Variants in PHACTR4 observed in about 807,000 individuals in gnomAD.
PHACTR4 encodes protein phosphatase 1, regulatory subunit 124.
A neutral mutation model predicts 72.7 loss-of-function variants in PHACTR4; 51 were observed. The ratio of observed to expected loss-of-function variants is 0.70; its 90% CI spans 0.56 to 0.89. The LOEUF (loss-of-function observed/expected upper bound fraction) is 0.89. Ranked by LOEUF, PHACTR4 falls within the 40% of genes least tolerant of loss-of-function variation. PHACTR4 has a pLI of 0.00. For missense variants in PHACTR4, 731 were observed against 861.8 expected, an observed-to-expected ratio of 0.85 and a Z score of 1.90; for synonymous variants, 255 against 302.5, an observed-to-expected ratio of 0.84 and a Z score of 1.63.
intron 2 of PHACTR4, among the ~76,000 whole-genome samples, chr1:28,434,872 T>A (rs1311763275): frequency 6.6e-6 from 1 of 152,176 alleles, no homozygotes; most frequent in Non-Finnish European, 1.5e-5. Flanking sequence ...GCATTTAAAT[T>A]TGGCAGATGG....
At chr1:28,484,641 ACTCT>A (rs1347036449) in intron 9 of PHACTR4, among the ~76,000 whole-genome samples, 4 of 150,206 alleles carry the variant, frequency 2.7e-5, no homozygotes, top group Non-Finnish European at 4.4e-5. Context: ...GGCCATATAA[ACTCT>A]CTCTTTTTTT....
chr1:28,459,656 C>T (rs535567832), intron 3 of PHACTR4, among the ~76,000 whole-genome samples: 1 of 152,224 alleles, frequency 6.6e-6, no homozygotes, highest in African/African-American at 2.4e-5. Context: ...CCCACCTCAG[C>T]CTCCCAAAGT....
chr1:28,406,198 G>T (rs1654313137), intron 1 of PHACTR4, among the ~76,000 whole-genome samples: 1 of 152,126 alleles, frequency 6.6e-6, no homozygotes, highest in South Asian at 2.1e-4. Flanking sequence ...TACATTTCCA[G>T]TACAAACCTA....
At chr1:28,430,214 T>G (rs1320407183) in intron 2 of PHACTR4, among the ~76,000 whole-genome samples, 2 of 152,114 alleles carry the variant, frequency 1.3e-5, no homozygotes, top group East Asian at 1.9e-4. Context: ...TTAGTAGAGA[T>G]AGGGTTTCAC....
intron 9 of PHACTR4, among the ~76,000 whole-genome samples, chr1:28,487,006 T>C (rs1463111958): frequency 1.3e-5 from 2 of 151,486 alleles, no homozygotes; most frequent in Non-Finnish European, 2.9e-5. Flanking sequence ...CTACCAAAAA[T>C]AAAAAAATTA....
chr1:28,451,364 T>C (rs1657957101), intron 2 of PHACTR4, among the ~76,000 whole-genome samples: 1 of 152,026 alleles, frequency 6.6e-6, no homozygotes, highest in Non-Finnish European at 1.5e-5. Context: ...ACTAAGAAGC[T>C]TGAAGCTTGA....
chr1:28,491,554 C>A, intron 11 of PHACTR4, 96 bp from the exon 12 acceptor site: 1 of 1,516,126 alleles, frequency 6.6e-7, no homozygotes, highest in Non-Finnish European at 9.1e-7. Context: ...CCAGGTGATT[C>A]CAATGAAGAT....
At chr1:28,478,721 TG>T (rs200431520) in intron 8 of PHACTR4, among the ~76,000 whole-genome samples, 4,890 of 152,048 alleles carry the variant, frequency 0.032, 102 homozygotes, top group Non-Finnish European at 0.052. Flanking sequence ...CCCAAAGTGC[TG>T]GGATTACAGG....
intron 2 of PHACTR4, among the ~76,000 whole-genome samples, chr1:28,456,416 C>G (rs1055881715): frequency 2.6e-5 from 4 of 152,178 alleles, no homozygotes; most frequent in African/African-American, 9.7e-5. Context: ...CACCTCCAAC[C>G]AGGCCCCACT....
chr1:28,450,516 C>T (rs1305636056), intron 2 of PHACTR4, among the ~76,000 whole-genome samples: 1 of 152,026 alleles, frequency 6.6e-6, no homozygotes, highest in African/African-American at 2.4e-5. Flanking sequence ...TTTCTTAGTC[C>T]TTTATTAGTA....
At chr1:28,450,641 G>A (rs959639960) in intron 2 of PHACTR4, among the ~76,000 whole-genome samples, 5 of 151,714 alleles carry the variant, frequency 3.3e-5, no homozygotes, top group African/African-American at 1.2e-4. Flanking sequence ...TTGTTTTGAG[G>A]CAGGTTCTCC....
At chr1:28,454,551 G>A (rs1391909341) in intron 2 of PHACTR4, among the ~76,000 whole-genome samples, 7 of 151,454 alleles carry the variant, frequency 4.6e-5, no homozygotes, top group South Asian at 4.2e-4. Flanking sequence ...GGTGTGAGCC[G>A]CCGCGCCCGG....
chr1:28,376,292 GAC>G (rs2124110623), intron 1 of PHACTR4, among the ~76,000 whole-genome samples: 2 of 147,108 alleles, frequency 1.4e-5, no homozygotes, highest in Non-Finnish European at 3.0e-5. Flanking sequence ...CAGCCTGGGT[GAC>G]AGAGTGAGAC....
In PHACTR4 at chr1:28,473,675, C is replaced by T. The variant is rs1282551101; in HGVS notation, c.945C>T (p.Thr315=). 2 of 1,613,962 alleles carry T rather than the reference C, an allele frequency of 1.2e-6. No homozygotes were observed. The highest frequency in any genetic ancestry group is 3.3e-5 in the Admixed American group (2 of 59,974). The change falls in exon 7 of 14, where the codon ACC becomes ACT. Residue 315 remains threonine (T), a synonymous_variant. Transcript: ENST00000373839. ...VPTLESAAAI[T]TKTPSDEREK... is the part of the protein sequence containing the mutation. ...CCTTGGAGTCTGCTGCTGCCATCAC[C>T]ACAAAAACACCAAGTGATGAAAGAG... is the stretch of plus-strand genomic sequence containing the variant.
At chr1:28,428,731 G>A (rs1020477826) in intron 2 of PHACTR4, among the ~76,000 whole-genome samples, 1 of 152,106 alleles carries the variant, frequency 6.6e-6, no homozygotes, top group African/African-American at 2.4e-5. Context: ...TAAACTATTG[G>A]GGAGGTGGGG....
At chr1:28,462,550 TAGAC>T (rs1260647358) in intron 4 of PHACTR4, among the ~76,000 whole-genome samples, 1 of 151,886 alleles carries the variant, frequency 6.6e-6, no homozygotes, top group Non-Finnish European at 1.5e-5. Flanking sequence ...GTATTTTTAA[TAGAC>T]AGGGTTTCAC....
chr1:28,443,891 T>A (rs541418418), intron 2 of PHACTR4, among the ~76,000 whole-genome samples: 51 of 152,318 alleles, frequency 3.3e-4, no homozygotes, highest in African/African-American at 1.1e-3. Context: ...AACATGGAAG[T>A]GCAGATATCT....
At chr1:28,383,587 T>C (rs1652350273) in intron 1 of PHACTR4, among the ~76,000 whole-genome samples, 1 of 152,114 alleles carries the variant, frequency 6.6e-6, no homozygotes, top group African/African-American at 2.4e-5. Flanking sequence ...GCTGTATTCC[T>C]AGGTATTTGT....
chr1:28,373,767 A>C (rs1651432249), intron 1 of PHACTR4, among the ~76,000 whole-genome samples: 1 of 152,150 alleles, frequency 6.6e-6, no homozygotes, highest in South Asian at 2.1e-4. Context: ...ACATTGTGTC[A>C]TTTAATCCTC....
Sources: gnomAD v4.1 joint callset for allele counts (sites outside exome capture counted in the v4.1 genomes callset) on GRCh38, gnomAD v4.1.1 for gene constraint, MANE v1.5 for transcripts, NCBI Gene and HGNC (gene_info 2026-07-23, HGNC 2026-07-21) for gene names.